Variants in XYLT1 observed in about 807,000 individuals in gnomAD.
XYLT1 encodes beta-D-xylosyltransferase 1.
XYLT1 carries 36 observed loss-of-function variants against 91.3 expected under a neutral mutation model. That is an observed-to-expected ratio of 0.39 (90% CI 0.30 to 0.52). The LOEUF is 0.52. Ranked by LOEUF, XYLT1 falls within the 20% of genes least tolerant of loss-of-function variation. The probability of loss-of-function intolerance (pLI) is 0.68; values close to 1 mark genes in which losing one functional copy is unlikely to be tolerated. For synonymous variants in XYLT1, 588 were observed against 532.0 expected (o/e 1.11, Z -1.45); for missense variants, 1,242 against 1,284.5 (o/e 0.97, Z 0.51).
intron 2 of XYLT1, among the ~76,000 whole-genome samples, chr16:17,266,081 A>C (rs2033798980): frequency 6.6e-6 from 1 of 152,236 alleles, no homozygotes; most frequent in Non-Finnish European, 1.5e-5. Context: ...AACTGAGGAC[A>C]AAATGGAAGC....
chr16:17,405,827 T>C (rs972074372), intron 1 of XYLT1, among the ~76,000 whole-genome samples: 11 of 152,180 alleles, frequency 7.2e-5, no homozygotes. Context: ...AAAGAATTCC[T>C]CCATTTCCCC....
chr16:17,133,282 C>T lies in XYLT1; in HGVS notation c.2027+1191G>A, dbSNP rs542127405. On this transcript the variant is annotated intron_variant, in intron 9 of 11. Transcript: ENST00000261381. The stretch of plus-strand genomic sequence containing the variant: ...TGAACAATCTTCTTCCCCCCAGCCC[C>T]GTCAGAGACTGACGCTAAAAAAAAA... 7.8e-4 allele frequency among the ~76,000 whole-genome samples: 119 copies of T among 151,776 alleles called. No homozygotes were observed. In the Middle Eastern group the frequency reaches 0.01, roughly 13 times the overall value.
At chr16:17,281,619 C>T (rs2034059988) in intron 2 of XYLT1, among the ~76,000 whole-genome samples, 1 of 152,170 alleles carries the variant, frequency 6.6e-6, no homozygotes, top group Admixed American at 6.5e-5. Flanking sequence ...CCAGAGAGTC[C>T]TTTGTCTGTT....
At chr16:17,115,522 C>G (rs1248441559) in intron 11 of XYLT1, among the ~76,000 whole-genome samples, 5 of 149,854 alleles carry the variant, frequency 3.3e-5, no homozygotes, top group Admixed American at 6.6e-5. Flanking sequence ...CTCTGTCACC[C>G]AACTGGAGTG....
intron 1 of XYLT1, among the ~76,000 whole-genome samples, chr16:17,400,792 G>A (rs1388240866): frequency 1.3e-5 from 2 of 152,106 alleles, no homozygotes; most frequent in Non-Finnish European, 2.9e-5. Flanking sequence ...GAGTTAGAGC[G>A]AGGAAGGCCA....
In XYLT1 at chr16:17,259,102, C is replaced by A. The variant is rs768087941; in HGVS notation, c.799G>T (p.Ala267Ser). The change falls in exon 3 of 12, where the codon GCC becomes TCC. Residue 267 changes from alanine to serine, a missense_variant. Physicochemically the swap from Ala to Ser is moderately conservative, Grantham distance 99. Coordinates refer to ENST00000261381, the MANE Select transcript of XYLT1 (RefSeq NM_022166.4). ...TGCTTGGACTTAGCACGGGACAGGG[C>A]AGAGATGGCCTCCTTGCCTGAGATG... is the stretch of plus-strand genomic sequence containing the variant. ...CDISGKEAIS[A>S]LSRAKSKHCR... 2 of 1,567,930 alleles carry A rather than the reference C, an allele frequency of 1.3e-6. No individual in the cohort carries two copies. Among genetic ancestry groups the A allele is most frequent in the South Asian group, 2.4e-5 (2 of 83,972 alleles).
intron 1 of XYLT1, among the ~76,000 whole-genome samples, chr16:17,411,951 G>A (rs952198773): frequency 1.3e-5 from 2 of 152,050 alleles, no homozygotes; most frequent in East Asian, 3.9e-4. Flanking sequence ...GGAGGCCTAA[G>A]GTGAAAAGGA....
intron 1 of XYLT1, among the ~76,000 whole-genome samples, chr16:17,408,738 C>CA (rs1165458005): frequency 6.6e-6 from 1 of 152,146 alleles, no homozygotes; most frequent in African/African-American, 2.4e-5. Context: ...CCCAACTACT[C>CA]AGGAGGCTGA....
chr16:17,330,353 C>G (rs1471960637), intron 2 of XYLT1, among the ~76,000 whole-genome samples: 1 of 152,186 alleles, frequency 6.6e-6, no homozygotes, highest in Non-Finnish European at 1.5e-5. Flanking sequence ...ATCCAGACCT[C>G]AGATGATGAA....
At chr16:17,189,152 C>T (rs2032254217) in intron 5 of XYLT1, among the ~76,000 whole-genome samples, 1 of 152,136 alleles carries the variant, frequency 6.6e-6, no homozygotes, top group African/African-American at 2.4e-5. Flanking sequence ...TCAAAGCACC[C>T]CAAGATTGTC....
At chr16:17,237,235 A>C (rs17210738) in intron 3 of XYLT1, among the ~76,000 whole-genome samples, 6,672 of 152,294 alleles carry the variant, frequency 0.044, 190 homozygotes, top group Middle Eastern at 0.082. Flanking sequence ...CATTATTATT[A>C]TTTGAAGGGC....
intron 2 of XYLT1, among the ~76,000 whole-genome samples, chr16:17,292,865 G>A (rs971194271): frequency 2.0e-5 from 3 of 152,174 alleles, no homozygotes; most frequent in South Asian, 2.1e-4. Context: ...CACGGTCAGG[G>A]ATGAGACGTT....
intron 2 of XYLT1, among the ~76,000 whole-genome samples, chr16:17,288,964 A>G (rs2034181737): frequency 6.6e-6 from 1 of 152,222 alleles, no homozygotes; most frequent in South Asian, 2.1e-4. Context: ...TTTTTTAAAA[A>G]ACCTGAGCCT....
intron 1 of XYLT1, among the ~76,000 whole-genome samples, chr16:17,394,173 T>C (rs1033164498): frequency 6.6e-6 from 1 of 152,204 alleles, no homozygotes; most frequent in Non-Finnish European, 1.5e-5. Context: ...TTTAAATTAA[T>C]GAAAATGAAA....
At chr16:17,122,102 TTTCTC>T (rs1449040028) in intron 10 of XYLT1, among the ~76,000 whole-genome samples, 1 of 152,176 alleles carries the variant, frequency 6.6e-6, no homozygotes, top group Non-Finnish European at 1.5e-5. Context: ...ATGACTTACT[TTTCTC>T]TGGTAGATAG....
Position 17,106,893 on chromosome 16 carries a change from G to A in XYLT1, c.*1802C>T, listed in dbSNP as rs1024223710. On this transcript the variant is annotated 3_prime_UTR_variant, in exon 12 of 12. Transcript: ENST00000261381. Reference sequence around the variant, plus strand: ...AGATGCGGGTTGGAGCTTTCTTTGCGTGGTGTTCGATGCCCCTGCTTTACT... The same window carrying A: ...AGATGCGGGTTGGAGCTTTCTTTGCATGGTGTTCGATGCCCCTGCTTTACT... 2 of 152,120 alleles carry A rather than the reference G, an allele frequency of 1.3e-5. No individual in the cohort carries two copies. Among genetic ancestry groups the A allele is most frequent in the East Asian group, 1.9e-4 (1 of 5,174 alleles). 9.4% of individuals were successfully genotyped at this position (152,120 alleles called of 1,614,324 possible).
intron 2 of XYLT1, among the ~76,000 whole-genome samples, chr16:17,324,836 A>C (rs775445827): frequency 7.2e-5 from 11 of 152,190 alleles, no homozygotes; most frequent in Non-Finnish European, 1.6e-4. Context: ...TTTATTTCGG[A>C]ATAATGATTT....
At chr16:17,270,103 G>A (rs562728671) in intron 2 of XYLT1, among the ~76,000 whole-genome samples, 124 of 152,288 alleles carry the variant, frequency 8.1e-4, no homozygotes, top group Middle Eastern at 3.4e-3. Flanking sequence ...GTGGGCCACC[G>A]CACTCTGCTT....
At chr16:17,127,923 C>T (rs2030321428) in intron 9 of XYLT1, 62 bp from the exon 10 acceptor site, 2 of 1,509,698 alleles carry the variant, frequency 1.3e-6, no homozygotes, top group Admixed American at 2.0e-5. Context: ...TGAGGCTCCC[C>T]ACCCACCAAG....
Sources: allele counts gnomAD v4.1 joint callset (sites outside exome capture counted in the v4.1 genomes callset), GRCh38; gene constraint gnomAD v4.1.1; transcripts MANE v1.5; gene names NCBI Gene and HGNC (gene_info 2026-07-23, HGNC 2026-07-21).